The following SKAP1 variants were observed in gnomAD, a reference collection of about 807,000 sequenced individuals.
SKAP1 encodes src kinase associated phosphoprotein 1.
SKAP1 carries 44 observed loss-of-function variants against 58.5 expected under a neutral mutation model. The observed-to-expected ratio is 0.75, with a 90% confidence interval of 0.59 to 0.97. The LOEUF (loss-of-function observed/expected upper bound fraction) is 0.97, where lower values mean the gene tolerates loss of function less well. Ranked by LOEUF, SKAP1 falls within the 50% of genes least tolerant of loss-of-function variation. The probability of loss-of-function intolerance (pLI) is 0.00; values close to 1 mark genes in which losing one functional copy is unlikely to be tolerated. For missense variants in SKAP1, 390 were observed against 435.2 expected (o/e 0.90, Z 0.92); for synonymous variants, 127 against 149.7 (o/e 0.85, Z 1.11).
chr17:48,158,567 CAAAA>C (rs1171183021), intron 11 of SKAP1, among the ~76,000 whole-genome samples: 3 of 61,510 alleles, frequency 4.9e-5, no homozygotes, highest in African/African-American at 6.8e-5. Context: ...GACTCTGTCT[CAAAA>C]AAAAAAAAAA....
intron 4 of SKAP1, among the ~76,000 whole-genome samples, chr17:48,248,516 G>A (rs1022205416): frequency 1.3e-5 from 2 of 152,176 alleles, no homozygotes. Flanking sequence ...GCAGTGGGCA[G>A]AGATTGCGCC....
chr17:48,186,554 C>G (rs931883594), intron 6 of SKAP1, among the ~76,000 whole-genome samples: 1 of 151,912 alleles, frequency 6.6e-6, no homozygotes, highest in African/African-American at 2.4e-5. Context: ...GGCGTGATCT[C>G]GGCTCACCAC....
intron 3 of SKAP1, among the ~76,000 whole-genome samples, chr17:48,355,824 T>TA (rs746594983): frequency 2.2e-3 from 294 of 136,450 alleles, no homozygotes; most frequent in South Asian, 5.1e-3. Context: ...AGACTCTGTC[T>TA]AAAAAAAAAA....
At chr17:48,148,568 C>T (rs1229620719) in intron 11 of SKAP1, among the ~76,000 whole-genome samples, 1 of 152,200 alleles carries the variant, frequency 6.6e-6, no homozygotes, top group African/African-American at 2.4e-5. Flanking sequence ...AACAATGTGA[C>T]GGAAATGTTT....
the SKAP1 span, among the ~76,000 whole-genome samples, chr17:48,440,648 C>T: frequency 7.2e-5 from 11 of 152,240 alleles, no homozygotes; most frequent in Admixed American, 1.3e-4. Context: ...TTCCAAAGTC[C>T]GCAATTTAAG....
chr17:48,164,606 CAG>C (rs1465453459), intron 10 of SKAP1, among the ~76,000 whole-genome samples: 3 of 152,188 alleles, frequency 2.0e-5, no homozygotes, highest in African/African-American at 7.2e-5. Context: ...AGGAGAAAAA[CAG>C]AAGCCTTCCA....
At chr17:48,316,372 C>G (rs940614850) in intron 4 of SKAP1, among the ~76,000 whole-genome samples, 4 of 152,290 alleles carry the variant, frequency 2.6e-5, no homozygotes, top group Admixed American at 2.0e-4. Context: ...CTGCTATTCC[C>G]TGTGTCTGGA....
chr17:48,395,626 A>G (rs926699046), intron 2 of SKAP1, among the ~76,000 whole-genome samples: 1 of 152,190 alleles, frequency 6.6e-6, no homozygotes, highest in Non-Finnish European at 1.5e-5. Context: ...AAAATTATAG[A>G]TATTCCCACT....
At chr17:48,317,273 T>C (rs1212141682) in intron 4 of SKAP1, among the ~76,000 whole-genome samples, 1 of 152,202 alleles carries the variant, frequency 6.6e-6, no homozygotes, top group Non-Finnish European at 1.5e-5. Flanking sequence ...AATGTTGATA[T>C]AAAAAAGACG....
In SKAP1 at chr17:48,180,083, TC is replaced by T. The variant is rs751831340; in HGVS notation, c.796del (p.Glu266LysfsTer16). On this transcript the variant is annotated frameshift_variant, in exon 9 of 13. Transcript: ENST00000336915. LOFTEE classifies it high-confidence loss of function. ...CAAGACTTCATAAATATCTTCTTCTTCTTTCTCCTCTGTAGGCTCTTTTATC... is the reference window on the plus strand; with the variant it reads ...CAAGACTTCATAAATATCTTCTTCTTTTTCTCCTCTGTAGGCTCTTTTATC... Reference protein sequence around the residue: ...VGIKEPTEEKEEEDIYEVLPD... With the variant: ...VGIKEPTEEKXEEDIYEVLPD... 6.3e-7 allele frequency: 1 copy of T among 1,598,664 alleles called. No individual in the cohort carries two copies. The highest frequency in any genetic ancestry group is 8.5e-7 in the Non-Finnish European group (1 of 1,175,162).
chr17:48,340,574 C>T (rs182796761), intron 4 of SKAP1, among the ~76,000 whole-genome samples: 5 of 152,144 alleles, frequency 3.3e-5, no homozygotes, highest in African/African-American at 9.6e-5. Context: ...GAAGTCTCAA[C>T]AAAGTCCAAA....
intron 7 of SKAP1, among the ~76,000 whole-genome samples, chr17:48,184,333 T>C (rs2064415117): frequency 6.6e-6 from 1 of 152,086 alleles, no homozygotes; most frequent in Non-Finnish European, 1.5e-5. Context: ...TACAGTTAGA[T>C]CTTTTTTTGG....
intron 4 of SKAP1, among the ~76,000 whole-genome samples, chr17:48,312,584 G>C (rs146978790): frequency 1.2e-3 from 190 of 152,282 alleles, no homozygotes; most frequent in African/African-American, 4.3e-3. Flanking sequence ...TCCCATGCAA[G>C]AGCTTATGGT....
chr17:48,192,274 C>T (rs2064557321), intron 4 of SKAP1, among the ~76,000 whole-genome samples: 1 of 151,756 alleles, frequency 6.6e-6, no homozygotes, highest in African/African-American at 2.4e-5. Context: ...GTTTCCATCT[C>T]TTCTTTCCAC....
In SKAP1 at chr17:48,396,775, C is replaced by G; in HGVS notation, c.57G>C (p.Glu19Asp). 3 of 1,612,230 alleles carry G rather than the reference C, an allele frequency of 1.9e-6. No homozygotes were observed. The South Asian group carries it at 3.3e-5, about 18-fold the overall frequency. ...CATTCCGCAAACCTTCTGCCAGAAA[C>G]TCTTCAGCATCTAAAAGAAAAGGAA... ...EIRWLLEDAE[E>D]FLAEGLRNEN... Residue 19 changes from glutamate (E) to aspartate (D), a missense_variant, in exon 2 of 13, where the codon GAG (glutamate) becomes GAC (aspartate). Physicochemically the swap from Glu to Asp is conservative, Grantham distance 45. Coordinates refer to ENST00000336915, the MANE Select transcript of SKAP1 (RefSeq NM_003726.4).
intron 4 of SKAP1, among the ~76,000 whole-genome samples, chr17:48,317,033 C>G (rs958640599): frequency 4.6e-5 from 7 of 152,166 alleles, no homozygotes; most frequent in Admixed American, 3.9e-4. Context: ...GCAGGGCTGA[C>G]AGTCACATCC....
chr17:48,177,559 T>C (rs766188188), intron 9 of SKAP1, among the ~76,000 whole-genome samples: 2 of 152,052 alleles, frequency 1.3e-5, no homozygotes, highest in Admixed American at 6.6e-5. Flanking sequence ...TAGGATACCA[T>C]TGCTGTCTCA....
At chr17:48,338,138 T>C (rs1277669222) in intron 4 of SKAP1, among the ~76,000 whole-genome samples, 3 of 151,212 alleles carry the variant, frequency 2.0e-5, no homozygotes, top group Admixed American at 6.6e-5. Flanking sequence ...CTTCTTTCCT[T>C]TCTTTCTTTT....
the SKAP1 span, among the ~76,000 whole-genome samples, chr17:48,442,184 A>G: frequency 6.6e-6 from 1 of 152,134 alleles, no homozygotes; most frequent in South Asian, 2.1e-4. Context: ...GCCCAACCTG[A>G]GTGCGTTGTG....
Sources: allele counts gnomAD v4.1 joint callset (sites outside exome capture counted in the v4.1 genomes callset), GRCh38; gene constraint gnomAD v4.1.1; transcripts MANE v1.5; gene names NCBI Gene and HGNC (gene_info 2026-07-23, HGNC 2026-07-21).